The following BIRC6 variants were observed in gnomAD, a reference collection of about 807,000 sequenced individuals.
The protein encoded by BIRC6 is dual E2 ubiquitin-conjugating enzyme/E3 ubiquitin-protein ligase BIRC6.
Under a neutral mutation model 503.3 loss-of-function variants are expected in BIRC6, and 98 were observed. The observed-to-expected ratio is 0.19, with a 90% CI of 0.17 to 0.23. The LOEUF is 0.23. BIRC6 is among the 10% of genes least tolerant of loss of function. The pLI is 1.00. For missense variants in BIRC6, 5,360 were observed against 5,806.0 expected (o/e 0.92, Z 2.50); for synonymous variants, 2,240 against 2,078.7 (o/e 1.08, Z -2.11).
intron 45 of BIRC6, among the ~76,000 whole-genome samples, chr2:32,496,684 C>G (rs2052514775): frequency 6.6e-6 from 1 of 152,100 alleles, no homozygotes. Flanking sequence ...TGTTTTAATT[C>G]CATTCCTTTT....
intron 34 of BIRC6, among the ~76,000 whole-genome samples, chr2:32,477,053 G>A (rs1322116225): frequency 6.6e-6 from 1 of 152,092 alleles, no homozygotes; most frequent in Non-Finnish European, 1.5e-5. Context: ...TACAAATTAT[G>A]TTTAGGATGT....
At chr2:32,439,904 G>A (rs2045212807) in intron 16 of BIRC6, among the ~76,000 whole-genome samples, 1 of 151,972 alleles carries the variant, frequency 6.6e-6, no homozygotes, top group Admixed American at 6.6e-5. Flanking sequence ...TTTGAGACGG[G>A]GTCTCACTCT....
chr2:32,547,851 C>A lies in BIRC6; in HGVS notation c.12812C>A (p.Pro4271Gln). 6.5e-7 allele frequency: 1 copy of A among 1,547,760 alleles called. No homozygotes were observed. Residue 4271 changes from proline (P) to glutamine (Q), a missense_variant and splice_region_variant, in exon 64 of 74, where the codon CCA (proline) becomes CAA (glutamine). Physicochemically the swap from Pro to Gln is moderately conservative, Grantham distance 76 (BLOSUM62 -1). This residue lies in a region of BIRC6 where 477 missense variants were observed against 574.4 expected (regional missense o/e 0.83). Coordinates refer to ENST00000421745, the MANE Select transcript of BIRC6 (RefSeq NM_016252.4). ...VPNSSVNQTE[P>Q]QVSSSHNPTS... ...ATTTTCATTTTTTGTTATTTTAAGC[C>A]ACAGGTGTCAAGCTCTCATAACCCT...
chr2:32,454,350 A>G (rs945225671), intron 23 of BIRC6, among the ~76,000 whole-genome samples: 1 of 152,162 alleles, frequency 6.6e-6, no homozygotes, highest in South Asian at 2.1e-4. Flanking sequence ...ACAACCTTGA[A>G]TATGTGAGGA....
At chr2:32,391,823 C>T (rs1398156397) in intron 4 of BIRC6, among the ~76,000 whole-genome samples, 1 of 152,352 alleles carries the variant, frequency 6.6e-6, no homozygotes, top group South Asian at 2.1e-4. Flanking sequence ...TGTTTATCAA[C>T]TGCAGCCACC....
At chr2:32,369,942 AAAAAT>A (rs1363914520) in intron 1 of BIRC6, among the ~76,000 whole-genome samples, 90 of 34,272 alleles carry the variant, frequency 2.6e-3, no homozygotes, top group Non-Finnish European at 2.9e-3. Flanking sequence ...AAAAAAAAAA[AAAAAT>A]ATATATATAT....
intron 65 of BIRC6, among the ~76,000 whole-genome samples, chr2:32,552,701 G>A (rs796660740): frequency 4.9e-4 from 75 of 152,112 alleles, no homozygotes; most frequent in African/African-American, 1.7e-3. Flanking sequence ...AAATAATTGC[G>A]TAAGAACTTT....
At chr2:32,490,477 G>A (rs531381302) in intron 43 of BIRC6, among the ~76,000 whole-genome samples, 6 of 152,302 alleles carry the variant, frequency 3.9e-5, no homozygotes, top group African/African-American at 9.6e-5. Flanking sequence ...GAAGTTTGCA[G>A]TGAGCTTAGA....
At chr2:32,431,181 C>CTGTTTTTTTTTTTTTTTTTTTT (rs2044059703) in intron 12 of BIRC6, 91 bp downstream of exon 12, 1 of 65,364 alleles carries the variant, frequency 1.5e-5, no homozygotes, top group African/African-American at 9.7e-5. Flanking sequence ...TACTGTTTAT[C>CTGTTTTTTTTTTTTTTTTTTTT]TTTTTTTTTT....
intron 45 of BIRC6, among the ~76,000 whole-genome samples, chr2:32,496,066 C>G (rs2052428828): frequency 6.6e-6 from 1 of 152,212 alleles, no homozygotes; most frequent in East Asian, 1.9e-4. Context: ...TGGTCTTGAT[C>G]TCCTGACCTC....
Position 32,467,846 on chromosome 2 carries a change from T to C in BIRC6, c.5572-57T>C, listed in dbSNP as rs2048721678. 7 of 1,472,326 alleles carry C rather than the reference T, an allele frequency of 4.8e-6. No individual in the cohort carries two copies. The East Asian group carries it at 7.4e-5, about 16-fold the overall frequency. 91.2% of individuals were successfully genotyped at this position (1,472,326 alleles called of 1,614,324 possible). ...ATAACTATCTTTTTAAATACATTGC[T>C]CAGATTTTTATTGTGGCAGATGTGT... On this transcript the variant is annotated intron_variant, in intron 27 of 73. Transcript: ENST00000421745.
chr2:32,523,596 GGCAATTA>G (rs1394801588), intron 57 of BIRC6: 2 of 152,094 alleles, frequency 1.3e-5, no homozygotes, highest in African/African-American at 4.8e-5. Flanking sequence ...ACTGTCTATA[GGCAATTA>G]GCAATTAGTA....
intron 50 of BIRC6, among the ~76,000 whole-genome samples, chr2:32,505,968 T>G (rs2053753271): frequency 6.6e-6 from 1 of 152,010 alleles, no homozygotes; most frequent in Non-Finnish European, 1.5e-5. Flanking sequence ...CATCTCAGCC[T>G]CATGTATAGC....
rs2058287214 is a variant in BIRC6, at chr2:32,549,412, G to A, written c.13075G>A (p.Val4359Ile). ...RGQNSNALPS[V>I]LLELLSQSCL... Reference sequence around the variant, plus strand: ...GCAGAACAGTAATGCCCTTCCTTCTGTACTTCTCGAGCTTCTCAGTCAGTC... The same window carrying A: ...GCAGAACAGTAATGCCCTTCCTTCTATACTTCTCGAGCTTCTCAGTCAGTC... Residue 4359 changes from valine (V) to isoleucine (I), a missense_variant, in exon 65 of 74, where the codon GTA becomes ATA. Around this residue, in one of 16 missense-constraint regions of BIRC6, gnomAD observed 477 missense variants for 574.4 expected, o/e 0.83. Transcript: ENST00000421745. The A allele has an allele frequency of 1.3e-6, 2 of 1,512,608 alleles. No individual in the cohort carries two copies. The highest frequency in any genetic ancestry group is 1.3e-5 in the South Asian group (1 of 75,706). 93.7% of individuals were successfully genotyped at this position (1,512,608 alleles called of 1,614,324 possible). A position where few individuals can be genotyped will look rare whatever the true frequency, so the allele number is the denominator to read the frequency against.
intron 33 of BIRC6, among the ~76,000 whole-genome samples, chr2:32,474,264 T>C (rs1395985529): frequency 2.0e-5 from 3 of 152,196 alleles, no homozygotes; most frequent in Admixed American, 2.0e-4. Context: ...AGCTATGAGC[T>C]AGTTCAATCC....
At chr2:32,414,644 G>A in intron 9 of BIRC6, 125 bp from the exon 10 acceptor site, 1 of 765,194 alleles carries the variant, frequency 1.3e-6, no homozygotes, top group Non-Finnish European at 1.9e-6. Flanking sequence ...TCTAGCCTGT[G>A]TGACAGAGCA....
At position 32,482,565 on chromosome 2, in the gene BIRC6, G is replaced by T. The variant is rs1310269713; in HGVS notation, c.7679G>T (p.Ser2560Ile). ...NTEKNGSQTV[S>I]VSVSQALDAR... ...GAGAAGAACGGATCACAGACAGTTA[G>T]CGTTTCAGTCTCTCAGGGTAAGTGT... The change falls in exon 39 of 74, where the codon AGC becomes ATC. Residue 2560 changes from serine (S) to isoleucine (I), a missense_variant. This residue lies in a region of BIRC6 where 2,299 missense variants were observed against 2,267.2 expected (regional missense o/e 1.01). Transcript: ENST00000421745. The T allele has an allele frequency of 6.2e-7, 1 of 1,613,908 alleles. No individual in the cohort carries two copies. The highest frequency in any genetic ancestry group is 8.5e-7 in the Non-Finnish European group (1 of 1,179,830).
At chr2:32,449,156 A>G (rs917411477) in intron 22 of BIRC6, 2 of 383,592 alleles carry the variant, frequency 5.2e-6, no homozygotes, top group Middle Eastern at 7.4e-4. Flanking sequence ...TGTGACTTTA[A>G]TTTTTTGTTT....
chr2:32,511,985 A>C (rs1233273372), intron 53 of BIRC6, among the ~76,000 whole-genome samples: 1 of 152,202 alleles, frequency 6.6e-6, no homozygotes, highest in African/African-American at 2.4e-5. Context: ...GAAATCTGTT[A>C]GGATTATTTA....
Sources: gnomAD v4.1 joint callset for allele counts (sites outside exome capture counted in the v4.1 genomes callset) on GRCh38, gnomAD v4.1.1 for gene constraint, gnomAD v4.1.1 regional missense constraint, MANE v1.5 for transcripts, NCBI Gene and HGNC (gene_info 2026-07-23, HGNC 2026-07-21) for gene names.